PTPRT: variants seen among roughly 807,000 people sequenced by gnomAD.
The protein encoded by PTPRT is receptor-type tyrosine-protein phosphatase T.
In PTPRT, 56 loss-of-function variants were observed where a neutral mutation model predicts 176.8. The ratio of observed to expected loss-of-function variants is 0.32; its 90% confidence interval spans 0.26 to 0.40. PTPRT has a LOEUF of 0.40. PTPRT is among the 10% of genes least tolerant of loss of function. The probability of loss-of-function intolerance (pLI) is 1.00; values close to 1 mark genes in which losing one functional copy is unlikely to be tolerated. For missense variants in PTPRT, 1,540 were observed against 1,908.2 expected (o/e 0.81, Z 3.60); for synonymous variants, 783 against 739.0 (o/e 1.06, Z -0.96).
intron 1 of PTPRT, among the ~76,000 whole-genome samples, chr20:43,066,863 C>A (rs2011116911): frequency 6.6e-6 from 1 of 152,182 alleles, no homozygotes; most frequent in African/African-American, 2.4e-5. Context: ...CACAGCCAAG[C>A]TCAGTTGTTC....
intron 1 of PTPRT, among the ~76,000 whole-genome samples, chr20:42,958,457 GGGGGGA>G (rs1239224104): frequency 1.4e-5 from 2 of 141,424 alleles, no homozygotes; most frequent in South Asian, 2.5e-4. Context: ...GAGGAAAGGA[GGGGGGA>G]GGGGGAGGGG....
chr20:43,185,678 A>G (rs1033609028), intron 1 of PTPRT, among the ~76,000 whole-genome samples: 1 of 152,226 alleles, frequency 6.6e-6, no homozygotes, highest in Non-Finnish European at 1.5e-5. Flanking sequence ...TCACACCTGC[A>G]ATCCCAGCAC....
intron 7 of PTPRT, among the ~76,000 whole-genome samples, chr20:42,497,934 C>T (rs2145405683): frequency 6.6e-6 from 1 of 152,160 alleles, no homozygotes; most frequent in Admixed American, 6.5e-5. Flanking sequence ...CTTGAAATGG[C>T]AGAAAACTGC....
chr20:42,876,685 A>G (rs2078937406), intron 2 of PTPRT, among the ~76,000 whole-genome samples: 1 of 151,720 alleles, frequency 6.6e-6, no homozygotes, highest in African/African-American at 2.4e-5. Flanking sequence ...TCCTGAAACC[A>G]CTTTCTCCCA....
chr20:42,515,835 C>T (rs1436927898), intron 7 of PTPRT, among the ~76,000 whole-genome samples: 3 of 150,620 alleles, frequency 2.0e-5, no homozygotes, highest in Non-Finnish European at 4.4e-5. Flanking sequence ...TTCACAATAG[C>T]AAAGACTTGG....
At chr20:42,950,258 G>C (rs547461031) in intron 1 of PTPRT, among the ~76,000 whole-genome samples, 109 of 152,242 alleles carry the variant, frequency 7.2e-4, no homozygotes, top group Non-Finnish European at 5.6e-4. Context: ...CTATAAAATT[G>C]GTGGTTTCTA....
intron 7 of PTPRT, among the ~76,000 whole-genome samples, chr20:42,629,206 G>A (rs1293765899): frequency 6.7e-6 from 1 of 150,018 alleles, no homozygotes; most frequent in Admixed American, 6.6e-5. Context: ...TTTTTTTCCT[G>A]GTGAAGTAAT....
At chr20:43,133,902 A>G (rs1302681807) in intron 1 of PTPRT, among the ~76,000 whole-genome samples, 1 of 152,136 alleles carries the variant, frequency 6.6e-6, no homozygotes. Context: ...GGCATTTCTC[A>G]CAAGTTCCCA....
At chr20:42,764,177 T>A (rs1327930928) in intron 5 of PTPRT, among the ~76,000 whole-genome samples, 2 of 152,052 alleles carry the variant, frequency 1.3e-5, no homozygotes, top group East Asian at 3.9e-4. Flanking sequence ...AAGAGAAGTA[T>A]AAGGCCTGCG....
At chr20:42,943,924 C>T (rs1192904702) in intron 1 of PTPRT, among the ~76,000 whole-genome samples, 2 of 152,076 alleles carry the variant, frequency 1.3e-5, no homozygotes, top group African/African-American at 4.8e-5. Context: ...GAGGCTGAGG[C>T]AGGAGGATCA....
At position 42,084,746 on chromosome 20, in the gene PTPRT, G is replaced by A; in HGVS notation, c.4072C>T (p.Arg1358Ter). 1.3e-6 allele frequency: 2 copies of A among 1,566,662 alleles called. No homozygotes were observed. Among genetic ancestry groups the A allele is most frequent in the Non-Finnish European group, 8.7e-7 (1 of 1,153,032 alleles). Residue 1358 changes from arginine (R) to a stop codon, truncating the protein, a stop_gained, in exon 29 of 31, where the codon CGA (arginine) becomes TGA (stop). Coordinates refer to ENST00000373187, the MANE Select transcript of PTPRT (RefSeq NM_007050.6). LOFTEE classifies it high-confidence loss of function. The part of the protein sequence containing the change: ...PSKRSLLKVV[R>*]RLEKWQEQYD... ...TGCTCCTGCCACTTCTCCAGTCGTCGGACCACTTTGAGCAGAGAGCGCTTG... is the reference window on the plus strand; with the variant it reads ...TGCTCCTGCCACTTCTCCAGTCGTCAGACCACTTTGAGCAGAGAGCGCTTG...
intron 7 of PTPRT, among the ~76,000 whole-genome samples, chr20:42,546,915 A>T (rs2072685945): frequency 6.6e-6 from 1 of 152,178 alleles, no homozygotes; most frequent in Admixed American, 6.5e-5. Context: ...CACTTATTAC[A>T]TATCACTGTC....
At chr20:42,123,058 A>C (rs560682706) in intron 19 of PTPRT, among the ~76,000 whole-genome samples, 2 of 152,280 alleles carry the variant, frequency 1.3e-5, no homozygotes, top group African/African-American at 4.8e-5. Flanking sequence ...TCCTCCTGGG[A>C]CATGGGACAT....
chr20:42,225,900 G>T (rs1291339623), intron 15 of PTPRT, among the ~76,000 whole-genome samples: 3 of 152,180 alleles, frequency 2.0e-5, no homozygotes, highest in Admixed American at 6.5e-5. Flanking sequence ...TGATCAGCCT[G>T]CCCTGGCCTG....
intron 21 of PTPRT, chr20:42,115,893 G>A (rs780122368): frequency 1.7e-6 from 1 of 602,676 alleles, no homozygotes; most frequent in Non-Finnish European, 3.0e-6. Context: ...GAAAAGGATG[G>A]TAGCTGCTGG....
At chr20:43,013,654 G>A (rs1052978427) in intron 1 of PTPRT, among the ~76,000 whole-genome samples, 1 of 152,134 alleles carries the variant, frequency 6.6e-6, no homozygotes, top group Admixed American at 6.5e-5. Flanking sequence ...CACAGGATAA[G>A]CACTCCTTGA....
intron 1 of PTPRT, among the ~76,000 whole-genome samples, chr20:42,927,836 C>T (rs898718776): frequency 7.9e-5 from 12 of 152,306 alleles, no homozygotes; most frequent in African/African-American, 1.2e-4. Context: ...TACAAACAGA[C>T]GCTTCCTAAT....
intron 7 of PTPRT, chr20:42,607,013 G>A (rs1422187043): frequency 6.6e-6 from 1 of 152,186 alleles, no homozygotes; most frequent in East Asian, 1.9e-4. Context: ...ATATTATTTA[G>A]CCTTAAAAAG....
intron 7 of PTPRT, among the ~76,000 whole-genome samples, chr20:42,526,750 T>A (rs1211729720): frequency 6.6e-6 from 1 of 152,030 alleles, no homozygotes; most frequent in Non-Finnish European, 1.5e-5. Context: ...CCTACTTGAA[T>A]CAGCTATTTG....
Sources: gnomAD v4.1 joint callset for allele counts (sites outside exome capture counted in the v4.1 genomes callset) on GRCh38, gnomAD v4.1.1 for gene constraint, MANE v1.5 for transcripts, NCBI Gene and HGNC (gene_info 2026-07-23, HGNC 2026-07-21) for gene names.